Variants in PPFIBP2 observed in about 807,000 individuals in gnomAD.
PPFIBP2 encodes PPFIB scaffold protein 2.
In PPFIBP2, 118 loss-of-function variants were observed where a neutral mutation model predicts 118.3. The observed-to-expected ratio is 1.00, with a 90% CI of 0.86 to 1.16. The LOEUF is 1.16. Among genes scored for constraint, PPFIBP2 ranks in the 50% most tolerant of loss-of-function variants. PPFIBP2 has a pLI of 0.00. For missense variants in PPFIBP2, 1,195 were observed against 1,073.1 expected, an observed-to-expected ratio of 1.11 and a Z score of -1.59; for synonymous variants, 414 against 397.4, an observed-to-expected ratio of 1.04 and a Z score of -0.50.
At chr11:7,666,074 C>T in the PPFIBP2 span, 163,920 of 667,570 alleles carry the variant, frequency 0.25, 21,808 homozygotes, top group African/African-American at 0.42. Context: ...GTGAGGTGGG[C>T]GGTAAGGGGT....
intron 3 of PPFIBP2, chr11:7,577,152 G>T: frequency 6.2e-6 from 1 of 160,160 alleles, no homozygotes; most frequent in Non-Finnish European, 1.4e-5. Context: ...TTTCCCTCTG[G>T]CAGGCTCCGG....
At chr11:7,524,794 G>A (rs1446242176) in intron 1 of PPFIBP2, among the ~76,000 whole-genome samples, 2 of 152,030 alleles carry the variant, frequency 1.3e-5, no homozygotes, top group African/African-American at 2.4e-5. Flanking sequence ...GGTGGAGATC[G>A]ATTTGGGATA....
chr11:7,534,065 G>C (rs2134368469), intron 1 of PPFIBP2, among the ~76,000 whole-genome samples: 1 of 152,320 alleles, frequency 6.6e-6, no homozygotes, highest in South Asian at 2.1e-4. Flanking sequence ...ACTGTGGTGA[G>C]GTGAGAGGTA....
At chr11:7,601,830 A>G (rs1846671764) in intron 5 of PPFIBP2, among the ~76,000 whole-genome samples, 1 of 152,060 alleles carries the variant, frequency 6.6e-6, no homozygotes, top group Non-Finnish European at 1.5e-5. Context: ...GTGGTGGTAC[A>G]TAACTGTAAT....
rs553828993 is a variant in PPFIBP2, at chr11:7,610,301, G to A, written c.497G>A (p.Ser166Asn). Residue 166 changes from serine to asparagine, a missense_variant, in exon 6 of 24, where the codon AGC becomes AAC. Ser to Asn is a conservative substitution (Grantham distance 46, BLOSUM62 1). Coordinates refer to ENST00000299492, the MANE Select transcript of PPFIBP2 (RefSeq NM_003621.5). ...AEEMLQQELL[S>N]RTSLETQKLD... ...TGTTTTTGCTTGCAGGAGCTGCTAAGCCGCACATCTCTTGAGACCCAGAAG... is the reference window on the plus strand; with the variant it reads ...TGTTTTTGCTTGCAGGAGCTGCTAAACCGCACATCTCTTGAGACCCAGAAG... The A allele has an allele frequency of 1.2e-6, 2 of 1,614,048 alleles. No homozygotes were observed. Among genetic ancestry groups the A allele is most frequent in the East Asian group, 2.2e-5 (1 of 44,890 alleles).
At chr11:7,533,259 C>A (rs1435223569) in intron 1 of PPFIBP2, among the ~76,000 whole-genome samples, 4 of 152,136 alleles carry the variant, frequency 2.6e-5, no homozygotes, top group Non-Finnish European at 5.9e-5. Context: ...AGAGAAGGGA[C>A]CCCAGGTGTG....
chr11:7,629,298 C>G (rs140760788), intron 9 of PPFIBP2, among the ~76,000 whole-genome samples, 161 bp from the exon 10 acceptor site: 1 of 152,308 alleles, frequency 6.6e-6, no homozygotes, highest in Non-Finnish European at 1.5e-5. Context: ...AGGCAGACCA[C>G]TGAAATCCCA....
intron 3 of PPFIBP2, among the ~76,000 whole-genome samples, chr11:7,588,130 G>A (rs1186142890): frequency 6.6e-6 from 1 of 152,180 alleles, no homozygotes; most frequent in Non-Finnish European, 1.5e-5. Flanking sequence ...CCAGCAACCA[G>A]CTCTCTGTGC....
chr11:7,634,471 T>A, intron 12 of PPFIBP2, 24 bp from the exon 13 acceptor site: 1 of 1,572,842 alleles, frequency 6.4e-7, no homozygotes, highest in African/African-American at 1.4e-5. Context: ...TCATAACTAT[T>A]TCTTTCTTTT....
intron 3 of PPFIBP2, among the ~76,000 whole-genome samples, chr11:7,567,111 G>T (rs1390017269): frequency 6.6e-6 from 1 of 152,120 alleles, no homozygotes; most frequent in Non-Finnish European, 1.5e-5. Context: ...GACTCTATCA[G>T]TCTTTCCTAT....
At chr11:7,592,446 CTAT>C (rs992790242) in intron 3 of PPFIBP2, among the ~76,000 whole-genome samples, 1 of 152,048 alleles carries the variant, frequency 6.6e-6, no homozygotes, top group African/African-American at 2.4e-5. Flanking sequence ...ATCCCTCTGG[CTAT>C]TATTTAAGTT....
chr11:7,552,604 C>T (rs1853116377), intron 2 of PPFIBP2, among the ~76,000 whole-genome samples: 1 of 152,180 alleles, frequency 6.6e-6, no homozygotes, highest in African/African-American at 2.4e-5. Flanking sequence ...TATCACTCCT[C>T]TCTCCAAAAC....
intron 3 of PPFIBP2, 107 bp from the exon 4 acceptor site, chr11:7,593,025 C>T (rs1007946431): frequency 4.7e-5 from 68 of 1,446,802 alleles, no homozygotes; most frequent in Non-Finnish European, 6.2e-5. Flanking sequence ...TACATATAAT[C>T]AGTGAAACTA....
intron 17 of PPFIBP2, among the ~76,000 whole-genome samples, chr11:7,643,997 A>C (rs1488401664): frequency 1.3e-5 from 2 of 152,058 alleles, no homozygotes; most frequent in Admixed American, 1.3e-4. Context: ...TGAGTAGTTA[A>C]ATTTTTCTTT....
At chr11:7,660,543 T>G (rs902936849), downstream of PPFIBP2, among the ~76,000 whole-genome samples, 925 of 149,748 alleles carry the variant, frequency 6.2e-3, 13 homozygotes, top group African/African-American at 0.022. Flanking sequence ...GCTGGATTCG[T>G]TTTGCCAGTA....
chr11:7,599,971 C>G (rs899186624), intron 5 of PPFIBP2, among the ~76,000 whole-genome samples: 2 of 151,964 alleles, frequency 1.3e-5, no homozygotes, highest in African/African-American at 4.8e-5. Flanking sequence ...CCCGTTTATT[C>G]TAAACCCTCT....
At chr11:7,628,216 C>T in intron 8 of PPFIBP2, 69 bp from the exon 9 acceptor site, 2 of 1,323,300 alleles carry the variant, frequency 1.5e-6, no homozygotes, top group Non-Finnish European at 2.1e-6. Context: ...ACTTGGGGGA[C>T]ATCATAGCAA....
chr11:7,617,337 G>C, intron 6 of PPFIBP2: 2 of 977,670 alleles, frequency 2.0e-6, no homozygotes, highest in Non-Finnish European at 2.4e-6. Flanking sequence ...CGTGTGTGGG[G>C]CATTTCACTG....
chr11:7,573,697 C>T (rs1172280379), intron 3 of PPFIBP2, among the ~76,000 whole-genome samples: 1 of 152,196 alleles, frequency 6.6e-6, no homozygotes, highest in Non-Finnish European at 1.5e-5. Context: ...TCTTCACTCC[C>T]TTCCCCCGCC....
Sources: gnomAD v4.1 joint callset for allele counts (sites outside exome capture counted in the v4.1 genomes callset) on GRCh38, gnomAD v4.1.1 for gene constraint, MANE v1.5 for transcripts, NCBI Gene and HGNC (gene_info 2026-07-23, HGNC 2026-07-21) for gene names.